The following GALM variants were observed in gnomAD, a reference collection of about 807,000 sequenced individuals.
The protein encoded by GALM is galactose mutarotase, also known as aldose 1-epimerase.
Under a neutral mutation model 37.4 loss-of-function variants are expected in GALM, and 43 were observed. The observed-to-expected ratio is 1.15, with a 90% confidence interval of 0.90 to 1.48. The LOEUF (loss-of-function observed/expected upper bound fraction) is 1.48, where lower values mean the gene tolerates loss of function less well. Among genes scored for constraint, GALM ranks in the 40% most tolerant of loss-of-function variants. The pLI, the probability that GALM is intolerant of heterozygous loss-of-function variation, is 0.00. For missense variants in GALM, 456 were observed against 419.1 expected (o/e 1.09, Z -0.77); for synonymous variants, 199 against 170.6 (o/e 1.17, Z -1.30).
chr2:38,720,429 A>T (rs1025996509), intron 4 of GALM, among the ~76,000 whole-genome samples: 3 of 151,010 alleles, frequency 2.0e-5, no homozygotes, highest in Admixed American at 6.6e-5. Context: ...AAAAAAAAAA[A>T]AAAAAAAAAA....
At chr2:38,709,726 C>T (rs552178988) in intron 4 of GALM, among the ~76,000 whole-genome samples, 2 of 152,320 alleles carry the variant, frequency 1.3e-5, no homozygotes, top group East Asian at 1.9e-4. Context: ...AGGTGCTTTA[C>T]TTGCCAACCA....
At chr2:38,720,013 G>T (rs1302878946) in intron 4 of GALM, among the ~76,000 whole-genome samples, 1 of 151,716 alleles carries the variant, frequency 6.6e-6, no homozygotes, top group African/African-American at 2.4e-5. Context: ...ACCAGCCTGG[G>T]CAAGATGGTG....
intron 4 of GALM, among the ~76,000 whole-genome samples, chr2:38,703,279 G>C (rs577056928): frequency 1.3e-5 from 2 of 149,204 alleles, no homozygotes; most frequent in African/African-American, 2.5e-5. Context: ...GGCTAATTTT[G>C]TATTTTTAGT....
chr2:38,711,018 T>C (rs1486447990), intron 4 of GALM, among the ~76,000 whole-genome samples: 1 of 152,074 alleles, frequency 6.6e-6, no homozygotes, highest in Non-Finnish European at 1.5e-5. Flanking sequence ...CCTCCCAAAG[T>C]GCTGGGATTA....
At chr2:38,719,195 G>A (rs1432785081) in intron 4 of GALM, among the ~76,000 whole-genome samples, 1 of 151,864 alleles carries the variant, frequency 6.6e-6, no homozygotes, top group African/African-American at 2.4e-5. Context: ...ATCCTGGCTG[G>A]GCGCGGTGGC....
In GALM at chr2:38,689,687, C is replaced by T. The variant is rs1317319115; in HGVS notation, c.553-126C>T. 6.2e-6 allele frequency: 4 copies of T among 644,112 alleles called. No individual in the cohort carries two copies. In the African/African-American group the frequency reaches 7.3e-5, roughly 12 times the overall value. 39.9% of individuals were successfully genotyped at this position (644,112 alleles called of 1,614,324 possible). A position where few individuals can be genotyped will look rare whatever the true frequency, so the allele number is the denominator to read the frequency against. On this transcript the variant is annotated intron_variant, in intron 3 of 6. Coordinates refer to ENST00000272252, the MANE Select transcript of GALM (RefSeq NM_138801.3). ...CTTAGTTGATTATATTTAATCATGACCATCAGCCAAACAAGATTTTAAAAG... is the reference window on the plus strand; with the variant it reads ...CTTAGTTGATTATATTTAATCATGATCATCAGCCAAACAAGATTTTAAAAG...
At chr2:38,666,814 G>A (rs1664952362) in intron 1 of GALM, among the ~76,000 whole-genome samples, 1 of 152,146 alleles carries the variant, frequency 6.6e-6, no homozygotes, top group African/African-American at 2.4e-5. Flanking sequence ...AGGCCTGGTT[G>A]TCTCAGAAAT....
rs113819692 is a variant in GALM at position 38,717,677 on chromosome 2, A to G, written c.635-11879A>G. On this transcript the variant is annotated intron_variant, in intron 4 of 6. Transcript: ENST00000272252. ...CAGCCTCCCAAAGTGCTGGAATTAT[A>G]GGTGGAAGCCACCATCCCTGGCCTT... Among the ~76,000 whole-genome samples the G allele has an allele frequency of 2.8e-3, 420 of 152,090 alleles. 6 individuals carry two copies. The highest frequency in any genetic ancestry group is 9.8e-3 in the African/African-American group (408 of 41,516).
chr2:38,678,410 C>T (rs1665311990), intron 2 of GALM, among the ~76,000 whole-genome samples: 1 of 152,100 alleles, frequency 6.6e-6, no homozygotes. Context: ...ACTACAGGCT[C>T]AGGGAAATCC....
In GALM at chr2:38,720,878, G is replaced by A. The variant is rs140965179; in HGVS notation, c.635-8678G>A. ...ATGTCTTGAGAGAGAGAGAGAGGGC[G>A]AGGCTGGAGCCTTTTACATAACCTG... On this transcript the variant is annotated intron_variant, in intron 4 of 6. Transcript: ENST00000272252. Among the ~76,000 whole-genome samples, 304 of 152,332 alleles carry A rather than the reference G, an allele frequency of 2.0e-3. 3 individuals carry two copies. The highest frequency in any genetic ancestry group is 6.7e-3 in the African/African-American group (279 of 41,574).
rs3084495 is a variant in GALM, at chr2:38,729,362, C to CATTT, written c.635-177_635-174dup. On this transcript the variant is annotated intron_variant, in intron 4 of 6. Transcript: ENST00000272252. ...ATCACTATGCCTGGCTAATTTTTTA[C>CATTT]ATTTATTTATTTATTTATTTTATTA... 0.55 allele frequency among the ~76,000 whole-genome samples: 83,355 copies of CATTT among 150,300 alleles called. 21,978 individuals are homozygous for CATTT. The highest frequency in any genetic ancestry group is 0.8 in the East Asian group (4,056 of 5,062).
intron 4 of GALM, among the ~76,000 whole-genome samples, chr2:38,717,571 T>C (rs1666294851): frequency 6.6e-6 from 1 of 151,930 alleles, no homozygotes; most frequent in African/African-American, 2.4e-5. Context: ...GCTAATTTTT[T>C]GTATTTTTAG....
At chr2:38,733,451 G>C in intron 6 of GALM, 37 bp from the exon 7 acceptor site, 1 of 1,549,592 alleles carries the variant, frequency 6.5e-7, no homozygotes, top group Admixed American at 1.7e-5. Context: ...TGCAGCCTGC[G>C]GTGTCAAGCA....
intron 1 of GALM, chr2:38,669,266 A>G (rs749704932): frequency 1.2e-4 from 18 of 152,232 alleles, no homozygotes; most frequent in African/African-American, 1.7e-4. Flanking sequence ...CAGTTATGTT[A>G]TCTATAGATT....
At chr2:38,706,013 G>A (rs1666029829) in intron 4 of GALM, among the ~76,000 whole-genome samples, 1 of 151,368 alleles carries the variant, frequency 6.6e-6, no homozygotes, top group Non-Finnish European at 1.5e-5. Context: ...ACATCAGGCT[G>A]ATTTTTTTTT....
intron 4 of GALM, among the ~76,000 whole-genome samples, chr2:38,696,059 T>TA (rs1665797836): frequency 6.6e-6 from 1 of 152,002 alleles, no homozygotes; most frequent in Non-Finnish European, 1.5e-5. Flanking sequence ...TAATTTCACT[T>TA]AGAGCTCCTG....
chr2:38,721,621 T>G (rs1313568936), intron 4 of GALM, among the ~76,000 whole-genome samples: 2 of 152,114 alleles, frequency 1.3e-5, no homozygotes, highest in Admixed American at 6.6e-5. Context: ...TCAAGTGATC[T>G]TCCCACCTCA....
intron 2 of GALM, among the ~76,000 whole-genome samples, 169 bp downstream of exon 2, chr2:38,676,235 C>T (rs559465690): frequency 1.3e-5 from 2 of 152,044 alleles, no homozygotes; most frequent in African/African-American, 2.4e-5. Flanking sequence ...AGGACCCATC[C>T]TTCTCTAGTT....
chr2:38,709,563 A>C (rs1356863839), intron 4 of GALM, among the ~76,000 whole-genome samples: 2 of 152,114 alleles, frequency 1.3e-5, no homozygotes, highest in Non-Finnish European at 1.5e-5. Flanking sequence ...GAAAAAAAAA[A>C]AAAACATAAG....
Sources: gnomAD v4.1 joint callset for allele counts (sites outside exome capture counted in the v4.1 genomes callset) on GRCh38, gnomAD v4.1.1 for gene constraint, MANE v1.5 for transcripts, NCBI Gene and HGNC (gene_info 2026-07-23, HGNC 2026-07-21) for gene names.